Variants in KMO observed in about 807,000 individuals in gnomAD.
The protein encoded by KMO is kynurenine 3-monooxygenase, also known as kynurenine 3-hydroxylase.
KMO carries 24 observed loss-of-function variants against 57.8 expected under a neutral mutation model. The ratio of observed to expected loss-of-function variants is 0.42; its 90% CI spans 0.30 to 0.58. KMO has a LOEUF of 0.58. Among genes scored for constraint, KMO ranks in the 20% least tolerant of loss-of-function variants. KMO has a pLI of 0.22. For missense variants in KMO, 483 were observed against 588.2 expected (o/e 0.82, Z 1.85); for synonymous variants, 210 against 193.6 (o/e 1.08, Z -0.70).
At chr1:241,549,542 G>A (rs2147949154) in intron 2 of KMO, 135 bp from the exon 3 acceptor site, 6 of 437,580 alleles carry the variant, frequency 1.4e-5, no homozygotes, top group Middle Eastern at 3.6e-4. Context: ...ACTGCTATTA[G>A]CATTTTCTTT....
chr1:241,557,932 T>C (rs1661701156), intron 5 of KMO, among the ~76,000 whole-genome samples: 1 of 152,230 alleles, frequency 6.6e-6, no homozygotes, highest in Non-Finnish European at 1.5e-5. Context: ...ATAAAACTAA[T>C]AGCAAACATT....
intron 10 of KMO, among the ~76,000 whole-genome samples, chr1:241,569,933 G>A (rs1662216110): frequency 4.0e-5 from 6 of 151,712 alleles, no homozygotes; most frequent in Admixed American, 3.9e-4. Flanking sequence ...TATACCCACT[G>A]GCCATTTGTA....
At chr1:241,587,850 T>C (rs1360000275) in intron 11 of KMO, among the ~76,000 whole-genome samples, 2 of 152,052 alleles carry the variant, frequency 1.3e-5, no homozygotes, top group African/African-American at 2.4e-5. Flanking sequence ...ATGTGATTGG[T>C]TTGCACATGA....
At chr1:241,535,674 T>C (rs1660729755) in intron 1 of KMO, among the ~76,000 whole-genome samples, 1 of 152,174 alleles carries the variant, frequency 6.6e-6, no homozygotes, top group African/African-American at 2.4e-5. Context: ...TGGGAAAAGA[T>C]GTTAAAATAG....
At chr1:241,558,047 A>T (rs1394094531) in intron 5 of KMO, among the ~76,000 whole-genome samples, 1 of 152,222 alleles carries the variant, frequency 6.6e-6, no homozygotes, top group East Asian at 1.9e-4. Flanking sequence ...CGTTTTATAG[A>T]TGGTGAAATG....
chr1:241,589,975 T>G, intron 12 of KMO, 37 bp from the exon 13 acceptor site: 1 of 1,473,002 alleles, frequency 6.8e-7, no homozygotes, highest in Non-Finnish European at 9.5e-7. Flanking sequence ...TAGCTGTATT[T>G]GTTCAAAAGC....
intron 10 of KMO, among the ~76,000 whole-genome samples, chr1:241,575,261 A>G (rs1248488564): frequency 6.6e-6 from 1 of 151,972 alleles, no homozygotes; most frequent in Non-Finnish European, 1.5e-5. Context: ...TTTCAAATTC[A>G]TTTAGTTCTC....
At chr1:241,570,644 G>A (rs1258738217) in intron 10 of KMO, among the ~76,000 whole-genome samples, 1 of 152,016 alleles carries the variant, frequency 6.6e-6, no homozygotes, top group Non-Finnish European at 1.5e-5. Context: ...TGGTCAATGT[G>A]TCTGTCTCTA....
intron 1 of KMO, among the ~76,000 whole-genome samples, chr1:241,547,284 A>G (rs753715814): frequency 1.2e-4 from 19 of 152,220 alleles, no homozygotes; most frequent in Non-Finnish European, 7.3e-5. Context: ...AGATTGGTGA[A>G]TATGGTTACA....
intron 10 of KMO, among the ~76,000 whole-genome samples, chr1:241,585,652 G>A (rs186906828): frequency 2.5e-4 from 38 of 151,722 alleles, no homozygotes; most frequent in Middle Eastern, 6.8e-3. Flanking sequence ...GGCTACTTGG[G>A]AGGCTGAGGA....
Position 241,595,316 on chromosome 1 carries a change from A to G in KMO, c.*3163A>G, listed in dbSNP as rs936017733. 6 of 152,266 alleles carry G rather than the reference A, an allele frequency of 3.9e-5. No homozygotes were observed. The highest frequency in any genetic ancestry group is 1.4e-4 in the African/African-American group (6 of 41,424). 9.4% of individuals were successfully genotyped at this position (152,266 alleles called of 1,614,324 possible). On this transcript the variant is annotated 3_prime_UTR_variant, in exon 15 of 15. Transcript: ENST00000366559. ...CTTCTCCTCTCTGCTGTTCCTCTCT[A>G]CAAGAACCTGGGAGGCCAACGCCTA...
chr1:241,549,369 A>G (rs372550415), intron 2 of KMO, among the ~76,000 whole-genome samples: 1 of 148,490 alleles, frequency 6.7e-6, no homozygotes, highest in African/African-American at 2.6e-5. Context: ...GGAAAGAAAG[A>G]TAGAAAGAAA....
At position 241,549,252 on chromosome 1, in the gene KMO, A is replaced by AGTAAGTAAGTCG. The variant is rs142921245; in HGVS notation, c.124+355_124+356insTAAGTAAGTCGG. The stretch of plus-strand genomic sequence containing the variant: ...AAGAAAGAAAGAAAGAAAGAAAGAA[A>AGTAAGTAAGTCG]GAAAGAAAGAAAGAAAGGAAGGAAG... On this transcript the variant is annotated intron_variant, in intron 2 of 14. Transcript: ENST00000366559. Among the ~76,000 whole-genome samples the AGTAAGTAAGTCG allele has an allele frequency of 3.4e-4, 6 of 17,392 alleles. No homozygotes were observed. The East Asian group carries it at 5.9e-3, about 17-fold the overall frequency. 11.4% of individuals were successfully genotyped at this position (17,392 alleles called of 152,430 possible).
intron 1 of KMO, among the ~76,000 whole-genome samples, chr1:241,543,010 G>A (rs896593156): frequency 1.9e-4 from 29 of 152,082 alleles, no homozygotes; most frequent in Admixed American, 2.6e-4. Context: ...AAATTTATTT[G>A]AACCTCCGTT....
intron 10 of KMO, among the ~76,000 whole-genome samples, chr1:241,573,281 C>T (rs1240267323): frequency 3.3e-5 from 5 of 152,184 alleles, no homozygotes; most frequent in African/African-American, 9.6e-5. Context: ...GCTACTGCGC[C>T]CAACCCATTT....
At chr1:241,566,449 T>C in intron 8 of KMO, 42 bp from the exon 9 acceptor site, 1 of 1,586,446 alleles carries the variant, frequency 6.3e-7, no homozygotes, top group Non-Finnish European at 8.6e-7. Context: ...CAGCGTCACT[T>C]GGCCCCCATC....
At chr1:241,591,162 A>G (rs919063064) in intron 14 of KMO, among the ~76,000 whole-genome samples, 2 of 152,186 alleles carry the variant, frequency 1.3e-5, no homozygotes, top group Non-Finnish European at 1.5e-5. Flanking sequence ...CTGAAAGTCT[A>G]AAAGGGGAAA....
chr1:241,549,262 A>T (rs1220797688), intron 2 of KMO, among the ~76,000 whole-genome samples: 5 of 131,734 alleles, frequency 3.8e-5, no homozygotes, highest in South Asian at 2.4e-4. Flanking sequence ...AGAAAGAAAG[A>T]AAGAAAGGAA....
chr1:241,574,073 T>C (rs1192789625), intron 10 of KMO, among the ~76,000 whole-genome samples: 1 of 152,108 alleles, frequency 6.6e-6, no homozygotes, highest in Non-Finnish European at 1.5e-5. Flanking sequence ...TCAGTTTGGT[T>C]GTTGTCAGTG....
Sources: gnomAD v4.1 joint callset for allele counts (sites outside exome capture counted in the v4.1 genomes callset) on GRCh38, gnomAD v4.1.1 for gene constraint, MANE v1.5 for transcripts, NCBI Gene and HGNC (gene_info 2026-07-23, HGNC 2026-07-21) for gene names.